Variants in PGM1 observed in about 807,000 individuals in gnomAD.
The protein encoded by PGM1 is phosphoglucomutase 1, also known as phosphoglucomutase-1.
Under a neutral mutation model 55.6 loss-of-function variants are expected in PGM1, and 52 were observed. The ratio of observed to expected loss-of-function variants is 0.94; its 90% CI spans 0.75 to 1.18. The LOEUF (loss-of-function observed/expected upper bound fraction) is 1.18, where lower values mean the gene tolerates loss of function less well. Ranked by LOEUF, PGM1 falls within the 50% of genes most tolerant of loss-of-function variation. The pLI, the probability that PGM1 is intolerant of heterozygous loss-of-function variation, is 0.00. For missense variants in PGM1, 724 were observed against 729.3 expected, an observed-to-expected ratio of 0.99 and a Z score of 0.08; for synonymous variants, 287 against 271.7, an observed-to-expected ratio of 1.06 and a Z score of -0.55.
intron 5 of PGM1, among the ~76,000 whole-genome samples, chr1:63,635,785 T>C (rs1649345748): frequency 6.6e-6 from 1 of 152,236 alleles, no homozygotes; most frequent in Non-Finnish European, 1.5e-5. Context: ...GGAGTGTTTT[T>C]TGGCCACCCT....
intron 4 of PGM1, 25 bp downstream of exon 4, chr1:63,631,807 C>A (rs1462549107): frequency 1.2e-6 from 2 of 1,611,088 alleles, no homozygotes; most frequent in African/African-American, 1.3e-5. Context: ...CTTTTCAATT[C>A]CCATCTCTTG....
At chr1:63,654,246 T>C in intron 9 of PGM1, 86 bp from the exon 10 acceptor site, 2 of 1,340,294 alleles carry the variant, frequency 1.5e-6, no homozygotes, top group South Asian at 1.2e-5. Context: ...ATGGATGAAA[T>C]TACATCCCCA....
intron 1 of PGM1, among the ~76,000 whole-genome samples, chr1:63,624,493 T>G (rs1648971129): frequency 6.6e-6 from 1 of 152,220 alleles, no homozygotes; most frequent in African/African-American, 2.4e-5. Context: ...GCATTGATCT[T>G]GATAATCTAA....
chr1:63,646,615 AT>A (rs1439339470), intron 7 of PGM1, among the ~76,000 whole-genome samples: 1 of 152,080 alleles, frequency 6.6e-6, no homozygotes, highest in African/African-American at 2.4e-5. Flanking sequence ...GTCCAGAAGG[AT>A]TGTGCCAGCG....
chr1:63,623,554 G>T, intron 1 of PGM1: 1 of 1,612,732 alleles, frequency 6.2e-7, no homozygotes, highest in Non-Finnish European at 8.5e-7. Context: ...TCCCTACCAC[G>T]ATCAGAAACC....
At chr1:63,595,915 T>C in intron 1 of PGM1, among the ~76,000 whole-genome samples, 1 of 152,204 alleles carries the variant, frequency 6.6e-6, no homozygotes, top group South Asian at 2.1e-4. Context: ...TCAGCCAACC[T>C]TTGTAAAAGC....
At chr1:63,594,327 C>T (rs1300747435) in intron 1 of PGM1, among the ~76,000 whole-genome samples, 1 of 152,146 alleles carries the variant, frequency 6.6e-6, no homozygotes, top group Admixed American at 6.5e-5. Context: ...CCAATCTTTT[C>T]TCCCCGCCCC....
chr1:63,627,773 G>C (rs1328218624), intron 1 of PGM1, among the ~76,000 whole-genome samples: 1 of 152,128 alleles, frequency 6.6e-6, no homozygotes, highest in Non-Finnish European at 1.5e-5. Context: ...TATGCTTGGT[G>C]TGTAAATACA....
chr1:63,631,243 G>A (rs1649184867), intron 3 of PGM1, among the ~76,000 whole-genome samples: 1 of 152,134 alleles, frequency 6.6e-6, no homozygotes, highest in African/African-American at 2.4e-5. Context: ...GAAAAGGAAA[G>A]AAAAGTGGGG....
chr1:63,616,668 C>T (rs1453173573), intron 1 of PGM1, among the ~76,000 whole-genome samples: 5 of 152,036 alleles, frequency 3.3e-5, no homozygotes, highest in Admixed American at 6.6e-5. Flanking sequence ...AGCCAACTGA[C>T]GCGTGCTAAA....
chr1:63,619,661 A>AGCACGGT (rs1303079702), intron 1 of PGM1, among the ~76,000 whole-genome samples: 1 of 152,214 alleles, frequency 6.6e-6, no homozygotes, highest in Non-Finnish European at 1.5e-5. Context: ...AATAAAGTTT[A>AGCACGGT]GCACGGTTCA....
intron 10 of PGM1, among the ~76,000 whole-genome samples, chr1:63,658,373 A>G (rs1285945082): frequency 1.4e-5 from 2 of 147,270 alleles, no homozygotes; most frequent in Non-Finnish European, 3.0e-5. Flanking sequence ...TATTGAAAGC[A>G]TTTATTAAGC....
chr1:63,638,428 A>G lies in PGM1; in HGVS notation c.1029-257A>G, dbSNP rs855309. Among the ~76,000 whole-genome samples the G allele has an allele frequency of 0.09, 13,770 of 152,216 alleles. 696 individuals are homozygous for G. The highest frequency in any genetic ancestry group is 0.13 in the African/African-American group (5,507 of 41,510). On this transcript the variant is annotated intron_variant, in intron 6 of 10. Transcript: ENST00000371084. ...AAACAGCAGCCCTGAACATTTTACTACGGATGCTTCTTCTAAAATATTAAA... is the reference window on the plus strand; with the variant it reads ...AAACAGCAGCCCTGAACATTTTACTGCGGATGCTTCTTCTAAAATATTAAA...
intron 1 of PGM1, among the ~76,000 whole-genome samples, chr1:63,616,718 G>A (rs1470407318): frequency 1.3e-5 from 2 of 152,156 alleles, no homozygotes; most frequent in African/African-American, 4.8e-5. Flanking sequence ...TGTTATGTTT[G>A]TTTTTATTTT....
Position 63,648,509 on chromosome 1 carries a change from C to G in PGM1, c.1145-8C>G, listed in dbSNP as rs1359370349. Reference sequence around the variant, plus strand: ...GTTTCTTACAGCAGCTTGCTGTCCCCCCTCCAGGTTCTGACCACATCCGTG... The same window carrying G: ...GTTTCTTACAGCAGCTTGCTGTCCCGCCTCCAGGTTCTGACCACATCCGTG... On this transcript the variant is annotated splice_polypyrimidine_tract_variant and splice_region_variant and intron_variant, in intron 7 of 10. Transcript: ENST00000371084. 1.9e-6 allele frequency: 3 copies of G among 1,614,046 alleles called. No individual in the cohort carries two copies. The highest frequency in any genetic ancestry group is 1.7e-5 in the Admixed American group (1 of 60,016).
At chr1:63,612,539 A>G (rs1167005991) in intron 1 of PGM1, among the ~76,000 whole-genome samples, 1 of 151,958 alleles carries the variant, frequency 6.6e-6, no homozygotes. Context: ...GTCAGCTGGG[A>G]CCCTCTTTTT....
chr1:63,641,498 C>T (rs895803525), intron 7 of PGM1, among the ~76,000 whole-genome samples: 1 of 152,112 alleles, frequency 6.6e-6, no homozygotes, highest in Non-Finnish European at 1.5e-5. Context: ...CATAGAGTTT[C>T]TCAGGGTAGA....
At chr1:63,609,019 T>C (rs951733787) in intron 1 of PGM1, among the ~76,000 whole-genome samples, 2 of 152,232 alleles carry the variant, frequency 1.3e-5, no homozygotes, top group African/African-American at 4.8e-5. Context: ...CTGAGGCCAT[T>C]GGAAGGCAGA....
intron 8 of PGM1, among the ~76,000 whole-genome samples, chr1:63,650,663 C>G (rs1434215750): frequency 6.6e-6 from 1 of 152,100 alleles, no homozygotes; most frequent in Non-Finnish European, 1.5e-5. Context: ...AAAAATAACT[C>G]TCTCAAGAGG....
Sources: allele counts gnomAD v4.1 joint callset (sites outside exome capture counted in the v4.1 genomes callset), GRCh38; gene constraint gnomAD v4.1.1; transcripts MANE v1.5; gene names NCBI Gene and HGNC (gene_info 2026-07-23, HGNC 2026-07-21).